PCDH10: variants seen among roughly 807,000 people sequenced by gnomAD.
The protein encoded by PCDH10 is protocadherin 10.
Under a neutral mutation model 74.4 loss-of-function variants are expected in PCDH10, and 15 were observed. That is an observed-to-expected ratio of 0.20 (90% CI 0.13 to 0.31). The LOEUF is 0.31. PCDH10 is among the 10% of genes least tolerant of loss of function. The probability of loss-of-function intolerance (pLI) is 1.00; values close to 1 mark genes in which losing one functional copy is unlikely to be tolerated. For synonymous variants in PCDH10, 619 were observed against 589.8 expected (o/e 1.05, Z -0.72); for missense variants, 1,260 against 1,390.2 (o/e 0.91, Z 1.49).
In PCDH10 at chr4:133,152,262, G is replaced by A. The variant is rs942727116; in HGVS notation, c.2122G>A (p.Gly708Arg). 3 of 1,612,760 alleles carry A rather than the reference G, an allele frequency of 1.9e-6. No individual in the cohort carries two copies. In the African/African-American group the frequency reaches 4.0e-5, roughly 22 times the overall value. Residue 708 changes from glycine (G) to arginine (R), a missense_variant, in exon 1 of 5, where the codon GGG (glycine) becomes AGG (arginine). Around this residue, in one of 11 missense-constraint regions of PCDH10, gnomAD observed 587 missense variants for 616.9 expected, o/e 0.95. Coordinates refer to ENST00000264360, the MANE Select transcript of PCDH10 (RefSeq NM_032961.3). ...CCAGCGCCCCAGTCGCTCTGGCGGC[G>A]GGGAAACCTCGCTAGACCTCACCCT... ...EHQRPSRSGG[G>R]ETSLDLTLIL... is the part of the protein sequence containing the mutation.
chr4:133,194,256 A>G lies in PCDH10; in HGVS notation c.*4096A>G, dbSNP rs1184250050. 1 of 151,852 alleles carries G rather than the reference A, an allele frequency of 6.6e-6. No individual in the cohort carries two copies. Among genetic ancestry groups the G allele is most frequent in the Non-Finnish European group, 1.5e-5 (1 of 67,800 alleles). 9.4% of individuals were successfully genotyped at this position (151,852 alleles called of 1,614,324 possible). ...GAAAAGTTGTCACATGCTTAGTTTG[A>G]AGTTTTACTCTCCAGATGTTTTTGA... is the stretch of plus-strand genomic sequence containing the variant. On this transcript the variant is annotated 3_prime_UTR_variant, in exon 5 of 5. Transcript: ENST00000264360.
Position 133,163,088 on chromosome 4 carries a change from G to T in PCDH10, c.2909G>T (p.Arg970Leu). 1 of 1,614,110 alleles carries T rather than the reference G, an allele frequency of 6.2e-7. No individual in the cohort carries two copies. The highest frequency in any genetic ancestry group is 1.7e-4 in the Middle Eastern group (1 of 6,060). ...PSDGRQAADY[R>L]SNLHVPGMDS... ...GATGGACGCCAGGCTGCTGATTATC[G>T]CAGCAATCTGCATGTTCCTGGCATG... The change falls in exon 4 of 5, where the codon CGC (arginine) becomes CTC (leucine). Residue 970 changes from arginine (R) to leucine (L), a missense_variant. Coordinates refer to ENST00000264360, the MANE Select transcript of PCDH10 (RefSeq NM_032961.3).
At chr4:133,200,392 C>T (rs1210759032) in intron 2 of PCDH10, among the ~76,000 whole-genome samples, 1 of 151,188 alleles carries the variant, frequency 6.6e-6, no homozygotes, top group African/African-American at 2.4e-5. Context: ...TAACAAACAC[C>T]CATAACAATA....
intron 4 of PCDH10, among the ~76,000 whole-genome samples, chr4:133,177,402 C>T (rs1413980206): frequency 6.6e-6 from 1 of 152,022 alleles, no homozygotes; most frequent in Admixed American, 6.6e-5. Context: ...GAAAGAAACC[C>T]CAAACTTTAG....
chr4:133,155,132 G>A lies in PCDH10; in HGVS notation c.2797+109G>A, dbSNP rs560974212. The A allele has an allele frequency of 4.7e-5, 33 of 705,132 alleles. No homozygotes were observed. In the South Asian group the frequency reaches 5.5e-4, roughly 12 times the overall value. 43.7% of individuals were successfully genotyped at this position (705,132 alleles called of 1,614,324 possible). ...GGCAATTTTCCATAGGTCTAATGCT[G>A]GTAACTCTACAGAAAAATAGTGTCA... On this transcript the variant is annotated intron_variant, in intron 3 of 4. Coordinates refer to ENST00000264360, the MANE Select transcript of PCDH10 (RefSeq NM_032961.3).
At chr4:133,196,266 G>A (rs1727792863), downstream of PCDH10, among the ~76,000 whole-genome samples, 1 of 152,084 alleles carries the variant, frequency 6.6e-6, no homozygotes, top group Non-Finnish European at 1.5e-5. Context: ...AGTATTTGGG[G>A]AATCAGAGTT....
intron 4 of PCDH10, among the ~76,000 whole-genome samples, chr4:133,182,138 T>C (rs1347327091): frequency 6.6e-6 from 1 of 152,064 alleles, no homozygotes; most frequent in African/African-American, 2.4e-5. Context: ...GGAGTGAATA[T>C]TGTGATACAA....
Position 133,150,665 on chromosome 4 carries a change from G to T in PCDH10, c.525G>T (p.Gly175=). ...SYFSLDVQTQ[G]DGNRFAELVL... is the part of the protein sequence containing the mutation. ...TCTCCCTGGACGTGCAGACCCAGGG[G>T]GATGGCAACCGATTCGCTGAGCTGG... The change falls in exon 1 of 5, where the codon GGG becomes GGT. Residue 175 remains glycine, a synonymous_variant. Coordinates refer to ENST00000264360, the MANE Select transcript of PCDH10 (RefSeq NM_032961.3). 6.2e-7 allele frequency: 1 copy of T among 1,613,158 alleles called. No homozygotes were observed. The highest frequency in any genetic ancestry group is 8.5e-7 in the Non-Finnish European group (1 of 1,179,984).
rs748826089 is a variant in PCDH10 at position 133,169,165 on chromosome 4, T to C, written c.3103+5883T>C. Among the ~76,000 whole-genome samples the C allele has an allele frequency of 7.4e-4, 113 of 151,806 alleles. 1 individual carries two copies. The highest frequency in any genetic ancestry group is 9.4e-4 in the Non-Finnish European group (64 of 67,730). ...TCTGCAGTACCATCTTTCTTTTGTC[T>C]ACTAGCAGCTTAATATGTTAGCTCT... On this transcript the variant is annotated intron_variant, in intron 4 of 4. Transcript: ENST00000264360.
downstream of PCDH10, among the ~76,000 whole-genome samples, chr4:133,196,597 G>A (rs542475584): frequency 1.3e-5 from 2 of 152,314 alleles, no homozygotes; most frequent in South Asian, 4.1e-4. Flanking sequence ...CTCTAATCCT[G>A]TGGCTAATTT....
At chr4:133,179,632 A>G (rs1438552844) in intron 4 of PCDH10, among the ~76,000 whole-genome samples, 2 of 152,188 alleles carry the variant, frequency 1.3e-5, no homozygotes, top group Non-Finnish European at 2.9e-5. Flanking sequence ...CTTCTCAGAC[A>G]CTAAGATACA....
At chr4:133,188,088 T>C (rs536515920) in intron 4 of PCDH10, among the ~76,000 whole-genome samples, 3 of 152,270 alleles carry the variant, frequency 2.0e-5, no homozygotes, top group African/African-American at 7.2e-5. Flanking sequence ...CATTTTCTGA[T>C]TTTTACTATT....
In PCDH10 at chr4:133,193,585, CT is replaced by C. The variant is rs932345227; in HGVS notation, c.*3428del. ...CATTATTTACTGGAGCTCAGTTAGT[CT>C]TTAAAACAATTACTCAGGCAGAGTG... is the stretch of plus-strand genomic sequence containing the variant. On this transcript the variant is annotated 3_prime_UTR_variant, in exon 5 of 5. Transcript: ENST00000264360. 1 of 151,562 alleles carries C rather than the reference CT, an allele frequency of 6.6e-6. No individual in the cohort carries two copies. The highest frequency in any genetic ancestry group is 2.1e-4 in the South Asian group (1 of 4,828). 9.4% of individuals were successfully genotyped at this position (151,562 alleles called of 1,614,324 possible).
At chr4:133,155,547 G>A (rs1049529967) in intron 3 of PCDH10, among the ~76,000 whole-genome samples, 2 of 152,166 alleles carry the variant, frequency 1.3e-5, no homozygotes, top group Admixed American at 1.3e-4. Flanking sequence ...GTCATTAATG[G>A]ATTGAAAACA....
intron 4 of PCDH10, among the ~76,000 whole-genome samples, chr4:133,171,163 T>C (rs571162515): frequency 6.6e-6 from 1 of 152,232 alleles, no homozygotes; most frequent in South Asian, 2.1e-4. Flanking sequence ...ACCTTAAGAT[T>C]GGCCTGAATC....
In PCDH10 at chr4:133,152,598, T is replaced by C. The variant is rs761880577; in HGVS notation, c.2458T>C (p.Cys820Arg). 1 of 1,614,004 alleles carries C rather than the reference T, an allele frequency of 6.2e-7. No individual in the cohort carries two copies. Among genetic ancestry groups the C allele is most frequent in the Non-Finnish European group, 8.5e-7 (1 of 1,180,032 alleles). The part of the protein sequence containing the change: ...FGSHHHNQNY[C>R]YQVCLTPESA... ...CTCCCACCACCACAACCAGAATTAC[T>C]GCTATCAGGTATGCCTGACCCCTGA... The change falls in exon 1 of 5, where the codon TGC becomes CGC. Residue 820 changes from cysteine to arginine, a missense_variant. Transcript: ENST00000264360.
At chr4:133,158,466 A>G (rs1395606287) in intron 3 of PCDH10, among the ~76,000 whole-genome samples, 1 of 152,092 alleles carries the variant, frequency 6.6e-6, no homozygotes, top group Non-Finnish European at 1.5e-5. Context: ...AAAATTGTCA[A>G]ATTTCTCTTC....
intron 3 of PCDH10, among the ~76,000 whole-genome samples, chr4:133,160,908 C>G (rs1291318588): frequency 6.6e-6 from 1 of 151,868 alleles, no homozygotes; most frequent in Non-Finnish European, 1.5e-5. Context: ...CTATGTTCCC[C>G]CATCATTCTA....
chr4:133,166,610 A>G (rs900440323), intron 4 of PCDH10, among the ~76,000 whole-genome samples: 1 of 151,532 alleles, frequency 6.6e-6, no homozygotes, highest in Non-Finnish European at 1.5e-5. Context: ...AAACCCTACT[A>G]GTTAAAACAC....
Sources: allele counts gnomAD v4.1 joint callset (sites outside exome capture counted in the v4.1 genomes callset), GRCh38; gene constraint gnomAD v4.1.1; regional missense constraint gnomAD v4.1.1; transcripts MANE v1.5; gene names NCBI Gene and HGNC (gene_info 2026-07-23, HGNC 2026-07-21).